The following MAP2K4 variants were observed in gnomAD, a reference collection of about 807,000 sequenced individuals.
MAP2K4 encodes mitogen-activated protein kinase kinase 4.
In MAP2K4, 4 loss-of-function variants were observed where a neutral mutation model predicts 48.5. The ratio of observed to expected loss-of-function variants is 0.08; its 90% CI spans 0.04 to 0.19. The LOEUF (loss-of-function observed/expected upper bound fraction) is 0.19. Among genes scored for constraint, MAP2K4 ranks in the 10% least tolerant of loss-of-function variants. The pLI, the probability that MAP2K4 is intolerant of heterozygous loss-of-function variation, is 1.00. For synonymous variants in MAP2K4, 166 were observed against 173.1 expected (o/e 0.96, Z 0.32); for missense variants, 258 against 493.3 (o/e 0.52, Z 4.52).
chr17:12,087,706 GAATT>G (rs1971415001), intron 3 of MAP2K4, among the ~76,000 whole-genome samples: 2 of 152,060 alleles, frequency 1.3e-5, no homozygotes. Flanking sequence ...TTGCAATTAA[GAATT>G]AGCATTCTTT....
At chr17:12,066,969 G>T (rs1039128923) in intron 2 of MAP2K4, among the ~76,000 whole-genome samples, 1 of 152,112 alleles carries the variant, frequency 6.6e-6, no homozygotes, top group African/African-American at 2.4e-5. Context: ...GAGCCACCGC[G>T]CCCGGCCCAC....
intron 9 of MAP2K4, among the ~76,000 whole-genome samples, chr17:12,135,926 A>T (rs1377751279): frequency 6.6e-6 from 1 of 152,236 alleles, no homozygotes; most frequent in Non-Finnish European, 1.5e-5. Flanking sequence ...ACTGAAATTC[A>T]GGGAGGGAGA....
chr17:12,101,013 TTATA>T (rs1216587869), intron 4 of MAP2K4, among the ~76,000 whole-genome samples: 1 of 152,108 alleles, frequency 6.6e-6, no homozygotes, highest in Admixed American at 6.5e-5. Context: ...GCGCTTATCT[TTATA>T]TATATCTATT....
At position 12,020,998 on chromosome 17, in the gene MAP2K4, C is replaced by A; in HGVS notation, c.112C>A (p.Gln38Lys). 8.3e-7 allele frequency: 1 copy of A among 1,209,700 alleles called. No individual in the cohort carries two copies. Among genetic ancestry groups the A allele is most frequent in the African/African-American group, 1.6e-5 (1 of 63,588 alleles). The allele number at this position is 1,209,700 out of a possible 1,614,324, so 74.9% of individuals were successfully genotyped here. A position where few individuals can be genotyped will look rare whatever the true frequency, so the allele number is the denominator to read the frequency against. Residue 38 changes from glutamine to lysine, a missense_variant, in exon 1 of 11, where the codon CAG becomes AAG. Transcript: ENST00000353533. ...AGGCCACCCGGCCGTCAGCAGCATG[C>A]AGGGTAAGGAACGCGGCCGCGCCGA... is the stretch of plus-strand genomic sequence containing the variant. ...APGHPAVSSM[Q>K]GKRKALKLNF...
intron 2 of MAP2K4, among the ~76,000 whole-genome samples, chr17:12,070,920 A>G (rs1370087737): frequency 6.6e-6 from 1 of 152,218 alleles, no homozygotes; most frequent in Non-Finnish European, 1.5e-5. Context: ...ATTCTCTCAC[A>G]GTTCTAGAGG....
At chr17:12,050,487 T>C (rs1209001632) in intron 1 of MAP2K4, among the ~76,000 whole-genome samples, 1 of 152,180 alleles carries the variant, frequency 6.6e-6, no homozygotes, top group Non-Finnish European at 1.5e-5. Flanking sequence ...AACTAAATAA[T>C]GCTGGCTCTT....
chr17:12,056,565 T>G (rs1446073360), intron 2 of MAP2K4, among the ~76,000 whole-genome samples: 1 of 152,128 alleles, frequency 6.6e-6, no homozygotes, highest in Admixed American at 6.5e-5. Context: ...AGTTTTACCT[T>G]ATGATAGAAT....
At chr17:12,040,756 A>G (rs556608434) in intron 1 of MAP2K4, among the ~76,000 whole-genome samples, 2 of 152,334 alleles carry the variant, frequency 1.3e-5, no homozygotes, top group East Asian at 3.9e-4. Flanking sequence ...CTCATCCAAG[A>G]TTTAATAATA....
At chr17:12,118,480 T>C (rs1163363848) in intron 7 of MAP2K4, among the ~76,000 whole-genome samples, 3 of 152,172 alleles carry the variant, frequency 2.0e-5, no homozygotes, top group Non-Finnish European at 2.9e-5. Context: ...ATTGGTTTCA[T>C]AAACATTTTG....
rs776387940 is a variant in MAP2K4, at chr17:12,095,632, G to A, written c.451G>A (p.Val151Ile). ...AAAACAACTTCTTATGGATTTGGAT[G>A]TAGTAATGCGGAGTAGTGATTGCCC... ...EQKQLLMDLD[V>I]VMRSSDCPYI... The change falls in exon 4 of 11, where the codon GTA (valine) becomes ATA (isoleucine). Residue 151 changes from valine to isoleucine, a missense_variant. Coordinates refer to ENST00000353533, the MANE Select transcript of MAP2K4 (RefSeq NM_003010.4). The A allele has an allele frequency of 6.2e-7, 1 of 1,613,938 alleles. No individual in the cohort carries two copies. Among genetic ancestry groups the A allele is most frequent in the South Asian group, 1.1e-5 (1 of 91,072 alleles).
intron 7 of MAP2K4, among the ~76,000 whole-genome samples, chr17:12,122,603 T>A (rs780657949): frequency 4.6e-5 from 7 of 152,352 alleles, no homozygotes; most frequent in Non-Finnish European, 7.3e-5. Context: ...TTTCTGTGTC[T>A]GTGAATAAAG....
intron 2 of MAP2K4, among the ~76,000 whole-genome samples, chr17:12,065,723 C>T (rs1357934811): frequency 2.6e-5 from 4 of 152,192 alleles, no homozygotes; most frequent in Admixed American, 6.5e-5. Context: ...CTTGAGCCGC[C>T]GTGCCTGGCC....
intron 2 of MAP2K4, among the ~76,000 whole-genome samples, chr17:12,071,197 G>A (rs952841360): frequency 3.3e-5 from 5 of 152,150 alleles, no homozygotes; most frequent in Non-Finnish European, 7.4e-5. Flanking sequence ...TATCCGTAAA[G>A]ATAGGTTACT....
intron 4 of MAP2K4, 152 bp downstream of exon 4, chr17:12,095,846 C>T: frequency 2.0e-6 from 2 of 983,022 alleles, no homozygotes. Flanking sequence ...TACATATTAA[C>T]TTCTGACTCT....
At chr17:12,100,131 A>G (rs1342764570) in intron 4 of MAP2K4, among the ~76,000 whole-genome samples, 2 of 152,340 alleles carry the variant, frequency 1.3e-5, no homozygotes, top group East Asian at 3.9e-4. Context: ...GTTTGAACAA[A>G]TGTATACACC....
chr17:12,099,508 C>T (rs1178075574), intron 4 of MAP2K4, among the ~76,000 whole-genome samples: 1 of 152,168 alleles, frequency 6.6e-6, no homozygotes, highest in Non-Finnish European at 1.5e-5. Context: ...TTATTCAAAG[C>T]AGTGAATAAT....
intron 2 of MAP2K4, 133 bp downstream of exon 2, chr17:12,055,124 T>C: frequency 7.3e-6 from 4 of 544,658 alleles, no homozygotes; most frequent in African/African-American, 1.9e-5. Flanking sequence ...TGTTTATTCT[T>C]TTCCTTCTGG....
chr17:12,129,036 T>C, intron 8 of MAP2K4, 103 bp from the exon 9 acceptor site: 4 of 1,047,640 alleles, frequency 3.8e-6, no homozygotes, highest in Non-Finnish European at 5.6e-6. Flanking sequence ...TTCAAGGCTT[T>C]ACTAGAGTTT....
intron 6 of MAP2K4, 48 bp downstream of exon 6, chr17:12,110,474 C>A: frequency 7.8e-7 from 1 of 1,286,536 alleles, no homozygotes; most frequent in Non-Finnish European, 1.1e-6. Context: ...CTTTTTTCTC[C>A]TAATTGGTGA....
Sources: allele counts gnomAD v4.1 joint callset (sites outside exome capture counted in the v4.1 genomes callset), GRCh38; gene constraint gnomAD v4.1.1; transcripts MANE v1.5; gene names NCBI Gene and HGNC (gene_info 2026-07-23, HGNC 2026-07-21).